Variants in GRXCR1 observed in about 807,000 individuals in gnomAD.
GRXCR1 encodes the protein glutaredoxin and cysteine rich domain containing 1.
GRXCR1 carries 27 observed loss-of-function variants against 27.3 expected under a neutral mutation model. The observed-to-expected ratio is 0.99, with a 90% CI of 0.73 to 1.37. GRXCR1 has a LOEUF of 1.37. Among genes scored for constraint, GRXCR1 ranks in the 40% most tolerant of loss-of-function variants. The pLI is 0.00. For missense variants in GRXCR1, 379 were observed against 354.4 expected (o/e 1.07, Z -0.56); for synonymous variants, 122 against 131.1 (o/e 0.93, Z 0.47).
intron 1 of GRXCR1, among the ~76,000 whole-genome samples, chr4:42,932,815 G>T (rs1272951010): frequency 6.6e-6 from 1 of 151,366 alleles, no homozygotes; most frequent in East Asian, 2.0e-4. Context: ...TTTAAAAGAG[G>T]TTAAGTGCTC....
intron 2 of GRXCR1, among the ~76,000 whole-genome samples, chr4:42,989,729 C>T (rs1176483861): frequency 6.6e-6 from 1 of 152,124 alleles, no homozygotes; most frequent in Non-Finnish European, 1.5e-5. Context: ...GATGCAATCC[C>T]CATTCCTTTC....
chr4:42,969,065 A>T lies in GRXCR1; in HGVS notation c.627+5931A>T, dbSNP rs977769272. On this transcript the variant is annotated intron_variant, in intron 2 of 3. Coordinates refer to ENST00000399770, the MANE Select transcript of GRXCR1 (RefSeq NM_001080476.3). ...ATGATTCCCTAGTATCTACTCTGTT[A>T]ATAAGGGCTGCAGAGATGGTGGGGA... Among the ~76,000 whole-genome samples the T allele has an allele frequency of 2.0e-5, 3 of 151,914 alleles. No individual in the cohort carries two copies. In the South Asian group the frequency reaches 6.2e-4, roughly 31 times the overall value.
At chr4:42,987,107 G>T (rs979106649) in intron 2 of GRXCR1, among the ~76,000 whole-genome samples, 1 of 149,052 alleles carries the variant, frequency 6.7e-6, no homozygotes, top group Non-Finnish European at 1.5e-5. Flanking sequence ...TAAGTGCTAA[G>T]TTAATGGTGA....
At chr4:42,952,178 C>G (rs915431946) in intron 1 of GRXCR1, among the ~76,000 whole-genome samples, 9 of 152,068 alleles carry the variant, frequency 5.9e-5, no homozygotes, top group Non-Finnish European at 1.3e-4. Context: ...GATAGCATAT[C>G]CCAAACAAAT....
At chr4:43,026,015 A>G (rs1424438359) in intron 3 of GRXCR1, among the ~76,000 whole-genome samples, 1 of 151,012 alleles carries the variant, frequency 6.6e-6, no homozygotes, top group East Asian at 1.9e-4. Flanking sequence ...ATTTTTACTA[A>G]TAGTTACTAA....
chr4:42,976,426 C>T (rs1436484), intron 2 of GRXCR1, among the ~76,000 whole-genome samples: 1 of 151,890 alleles, frequency 6.6e-6, no homozygotes, highest in Non-Finnish European at 1.5e-5. Context: ...TTAAAAGATG[C>T]TATGTATATC....
At chr4:42,926,287 A>C (rs1243161543) in intron 1 of GRXCR1, among the ~76,000 whole-genome samples, 1 of 152,032 alleles carries the variant, frequency 6.6e-6, no homozygotes, top group Non-Finnish European at 1.5e-5. Context: ...AGGTAAAAAT[A>C]CTTGAAGTAT....
At chr4:42,987,393 C>T (rs1711806363) in intron 2 of GRXCR1, among the ~76,000 whole-genome samples, 2 of 150,810 alleles carry the variant, frequency 1.3e-5, no homozygotes, top group Admixed American at 6.6e-5. Flanking sequence ...AGTGATCCTC[C>T]TGCCTCAGCC....
chr4:43,027,029 A>G (rs1713278677), intron 3 of GRXCR1, among the ~76,000 whole-genome samples: 1 of 152,236 alleles, frequency 6.6e-6, no homozygotes. Flanking sequence ...GAAGTATGGA[A>G]CAAGTGTTTA....
At chr4:42,942,033 C>A (rs1747637636) in intron 1 of GRXCR1, among the ~76,000 whole-genome samples, 1 of 151,988 alleles carries the variant, frequency 6.6e-6, no homozygotes, top group African/African-American at 2.4e-5. Context: ...GTGAGAGTTT[C>A]AATTCACAGC....
Position 42,893,278 on chromosome 4 carries a change from G to C in GRXCR1, c.12G>C (p.Arg4Ser), listed in dbSNP as rs1421860156. Residue 4 changes from arginine to serine, a missense_variant, in exon 1 of 4, where the codon AGG becomes AGC. Transcript: ENST00000399770. MLK[R>S]EMKPESDRPR... ...GGGTGGAGGTGACCATGCTTAAAAG[G>C]GAGATGAAGCCAGAAAGTGACAGGC... The C allele has an allele frequency of 6.2e-7, 1 of 1,613,620 alleles. No homozygotes were observed. The highest frequency in any genetic ancestry group is 8.5e-7 in the Non-Finnish European group (1 of 1,179,710).
Position 42,978,915 on chromosome 4 carries a change from C to T in GRXCR1, c.627+15781C>T, listed in dbSNP as rs150551339. Among the ~76,000 whole-genome samples the T allele has an allele frequency of 8.0e-3, 1,220 of 152,018 alleles. 10 individuals are homozygous for T. Among genetic ancestry groups the T allele is most frequent in the African/African-American group, 0.028 (1,152 of 41,476 alleles). ...TTTTGTGATAGTGAGTGAGTTCTCACGAGATCTGATGGTTTTGTAAGGGAC... is the reference window on the plus strand; with the variant it reads ...TTTTGTGATAGTGAGTGAGTTCTCATGAGATCTGATGGTTTTGTAAGGGAC... On this transcript the variant is annotated intron_variant, in intron 2 of 3. Coordinates refer to ENST00000399770, the MANE Select transcript of GRXCR1 (RefSeq NM_001080476.3).
intron 2 of GRXCR1, among the ~76,000 whole-genome samples, chr4:43,014,662 G>A (rs1053132662): frequency 2.6e-5 from 4 of 152,020 alleles, no homozygotes; most frequent in African/African-American, 9.7e-5. Context: ...TATGTATCTG[G>A]CCTTTTACTG....
chr4:42,990,037 T>C lies in GRXCR1; in HGVS notation c.627+26903T>C, dbSNP rs541194632. On this transcript the variant is annotated intron_variant, in intron 2 of 3. Transcript: ENST00000399770. ...TAATAGCTTCCAGTTGAGCATAGTA[T>C]ATAGCAGTTCTAAGATTTTTCTGCC... Among the ~76,000 whole-genome samples, 42 of 152,114 alleles carry C rather than the reference T, an allele frequency of 2.8e-4. 1 individual carries two copies. The East Asian group carries it at 8.1e-3, about 29-fold the overall frequency.
intron 2 of GRXCR1, among the ~76,000 whole-genome samples, chr4:43,004,435 G>A (rs1365283321): frequency 6.6e-6 from 1 of 152,140 alleles, no homozygotes; most frequent in Non-Finnish European, 1.5e-5. Context: ...TGAGTAGAAG[G>A]CCACCATCTT....
At chr4:42,933,041 C>T (rs1274149154) in intron 1 of GRXCR1, among the ~76,000 whole-genome samples, 1 of 151,882 alleles carries the variant, frequency 6.6e-6, no homozygotes, top group African/African-American at 2.4e-5. Flanking sequence ...ACTATTGGAC[C>T]TGTGCTTCAT....
chr4:42,895,027 G>T (rs1238767090), intron 1 of GRXCR1, among the ~76,000 whole-genome samples: 1 of 152,018 alleles, frequency 6.6e-6, no homozygotes, highest in Non-Finnish European at 1.5e-5. Context: ...TTAGTACTTT[G>T]ATTTGCATCT....
In GRXCR1 at chr4:42,893,650, G is replaced by A. The variant is rs760417639; in HGVS notation, c.384G>A (p.Gln128=). 1.2e-6 allele frequency: 2 copies of A among 1,612,648 alleles called. No individual in the cohort carries two copies. The highest frequency in any genetic ancestry group is 1.7e-6 in the Non-Finnish European group (2 of 1,179,536). The change falls in exon 1 of 4, where the codon CAG becomes CAA. Residue 128 remains glutamine (Q), a splice_region_variant and synonymous_variant. Coordinates refer to ENST00000399770, the MANE Select transcript of GRXCR1 (RefSeq NM_001080476.3). ...TTAACAATTTGACCAAAGTATTACA[G>A]GTAAGTCATTGCTGTTTCCTTCTCC... ...ALFNNLTKVL[Q]QPSTDLEFDR... is the part of the protein sequence containing the mutation.
chr4:42,911,601 G>A (rs575204524), intron 1 of GRXCR1, among the ~76,000 whole-genome samples: 1 of 151,954 alleles, frequency 6.6e-6, no homozygotes, highest in Non-Finnish European at 1.5e-5. Flanking sequence ...GCAGCAGATA[G>A]GACTTTAATT....
Sources: allele counts gnomAD v4.1 joint callset (sites outside exome capture counted in the v4.1 genomes callset), GRCh38; gene constraint gnomAD v4.1.1; transcripts MANE v1.5; gene names NCBI Gene and HGNC (gene_info 2026-07-23, HGNC 2026-07-21).